The following PCDHA4 variants were observed in gnomAD, a reference collection of about 807,000 sequenced individuals.
PCDHA4 encodes protocadherin alpha 4.
In PCDHA4, 49 loss-of-function variants were observed where a neutral mutation model predicts 61.4. The observed-to-expected ratio is 0.80, with a 90% CI of 0.63 to 1.01. PCDHA4 has a LOEUF of 1.01. Ranked by LOEUF, PCDHA4 falls within the 50% of genes least tolerant of loss-of-function variation. PCDHA4 has a pLI of 0.00. For synonymous variants in PCDHA4, 590 were observed against 550.3 expected, an observed-to-expected ratio of 1.07 and a Z score of -1.01; for missense variants, 1,254 against 1,235.8, an observed-to-expected ratio of 1.01 and a Z score of -0.22.
At chr5:140,882,755 G>T in intron 1 of PCDHA4, 1 of 1,614,230 alleles carries the variant, frequency 6.2e-7, no homozygotes, top group Non-Finnish European at 8.5e-7. Flanking sequence ...TGCAGATATT[G>T]GAGTAAACTC....
chr5:140,884,821 G>A, intron 1 of PCDHA4: 2 of 1,011,756 alleles, frequency 2.0e-6, no homozygotes, highest in South Asian at 2.2e-5. Flanking sequence ...TGGACATTAT[G>A]TGTTGGATTA....
At chr5:140,811,116 A>T (rs1764795251) in intron 1 of PCDHA4, 1 of 152,148 alleles carries the variant, frequency 6.6e-6, no homozygotes, top group Non-Finnish European at 1.5e-5. Flanking sequence ...CCATCAACTC[A>T]TCATTTACAT....
chr5:140,925,267 G>C (rs931372584), intron 1 of PCDHA4, among the ~76,000 whole-genome samples: 14 of 152,060 alleles, frequency 9.2e-5, no homozygotes, highest in Non-Finnish European at 1.9e-4. Flanking sequence ...CTTGATCTGT[G>C]TTCAGATTTT....
At chr5:140,885,189 C>T (rs1554182051) in intron 1 of PCDHA4, among the ~76,000 whole-genome samples, 1 of 151,992 alleles carries the variant, frequency 6.6e-6, no homozygotes, top group Non-Finnish European at 1.5e-5. Context: ...CATCAGTGTT[C>T]CCCTCTCATA....
chr5:140,840,846 C>A (rs1473721768), intron 1 of PCDHA4, among the ~76,000 whole-genome samples: 5 of 151,994 alleles, frequency 3.3e-5, no homozygotes, highest in Non-Finnish European at 5.9e-5. Flanking sequence ...TAATGCATTT[C>A]TTCCACACGA....
At chr5:140,897,307 A>G (rs2065987327) in intron 1 of PCDHA4, among the ~76,000 whole-genome samples, 2 of 148,058 alleles carry the variant, frequency 1.4e-5, no homozygotes, top group African/African-American at 2.5e-5. Context: ...AGCATTAGGT[A>G]TATCTCCTAA....
At chr5:140,928,134 G>T in intron 1 of PCDHA4, 1 of 1,614,180 alleles carries the variant, frequency 6.2e-7, no homozygotes, top group Non-Finnish European at 8.5e-7. Flanking sequence ...ACCAAGTCCT[G>T]ATCACGGCCT....
intron 1 of PCDHA4, chr5:140,858,606 T>A: frequency 8.0e-7 from 1 of 1,257,634 alleles, no homozygotes; most frequent in Non-Finnish European, 1.1e-6. Flanking sequence ...GTTTTAAAAT[T>A]TTTTTATCCT....
At chr5:140,937,911 CAAA>C (rs200797202) in intron 1 of PCDHA4, among the ~76,000 whole-genome samples, 2 of 117,898 alleles carry the variant, frequency 1.7e-5, no homozygotes, top group Non-Finnish European at 1.9e-5. Context: ...GACTCCGTCT[CAAA>C]AAAAAAAAAA....
At chr5:140,891,855 C>T (rs1282802499) in intron 1 of PCDHA4, among the ~76,000 whole-genome samples, 1 of 152,156 alleles carries the variant, frequency 6.6e-6, no homozygotes, top group Admixed American at 6.6e-5. Flanking sequence ...GAGCCTGTCC[C>T]TCTCTTATGC....
rs376943163 is a variant in PCDHA4 at position 140,883,718 on chromosome 5, G to C, written c.2385+74146G>C. On this transcript the variant is annotated intron_variant, in intron 1 of 3. Coordinates refer to ENST00000530339, the MANE Select transcript of PCDHA4 (RefSeq NM_018907.4). The stretch of plus-strand genomic sequence containing the variant: ...CACGGTGTCTGCTCAGGACGCGGAC[G>C]CACAGGAGAACGCGCTGGTCTCCTA... The C allele has an allele frequency of 5.0e-5, 81 of 1,613,524 alleles. No homozygotes were observed. Among genetic ancestry groups the C allele is most frequent in the Non-Finnish European group, 6.4e-5 (75 of 1,179,854 alleles).
chr5:140,876,498 C>T, intron 1 of PCDHA4: 4 of 1,613,918 alleles, frequency 2.5e-6, no homozygotes, highest in Non-Finnish European at 2.5e-6. Flanking sequence ...AAGTTCTGGA[C>T]GTGAATGACA....
At chr5:140,812,642 A>G (rs1178933348) in intron 1 of PCDHA4, 2 of 152,060 alleles carry the variant, frequency 1.3e-5, no homozygotes, top group Non-Finnish European at 2.9e-5. Context: ...TTTCATGTTT[A>G]AGAGACAAGA....
chr5:141,007,722 A>G (rs559470783), intron 3 of PCDHA4, among the ~76,000 whole-genome samples: 30 of 152,290 alleles, frequency 2.0e-4, no homozygotes, highest in African/African-American at 6.5e-4. Flanking sequence ...ACCAGGGAGA[A>G]CAAAGGTTAA....
intron 1 of PCDHA4, chr5:140,877,193 G>C: frequency 6.2e-7 from 1 of 1,613,832 alleles, no homozygotes; most frequent in Non-Finnish European, 8.5e-7. Flanking sequence ...GGCAGCGCAG[G>C]AGGCGCAGTT....
rs1023415818 is a variant in PCDHA4 at position 140,856,852 on chromosome 5, G to A, written c.2385+47280G>A. The stretch of plus-strand genomic sequence containing the variant: ...TAATACGGCTCAACGCTTCTGATTC[G>A]GATGAAGGAATAAACAAGGAAATGA... On this transcript the variant is annotated intron_variant, in intron 1 of 3. Coordinates refer to ENST00000530339, the MANE Select transcript of PCDHA4 (RefSeq NM_018907.4). 5.6e-6 allele frequency: 9 copies of A among 1,593,530 alleles called. No homozygotes were observed. In the African/African-American group the frequency reaches 8.1e-5, roughly 14 times the overall value.
intron 3 of PCDHA4, among the ~76,000 whole-genome samples, chr5:140,985,796 G>GTGC (rs1245486198): frequency 7.1e-6 from 1 of 140,828 alleles, no homozygotes; most frequent in Non-Finnish European, 1.5e-5. Flanking sequence ...CTGGAGTGCA[G>GTGC]TGGCACGATC....
At chr5:140,909,870 C>T (rs2074741279) in intron 1 of PCDHA4, among the ~76,000 whole-genome samples, 1 of 152,206 alleles carries the variant, frequency 6.6e-6, no homozygotes. Context: ...GAGTCAACGT[C>T]AGCTTAGAGA....
rs75101825 is a variant in PCDHA4, at chr5:140,914,430, C to A, written c.2386-64519C>A. On this transcript the variant is annotated intron_variant, in intron 1 of 3. Coordinates refer to ENST00000530339, the MANE Select transcript of PCDHA4 (RefSeq NM_018907.4). ...TTTTGTTTCCATTAGCAAGGAATAT[C>A]TTTTCCCATGTCTTTATTTTCCAGT... Among the ~76,000 whole-genome samples the A allele has an allele frequency of 8.0e-3, 1,215 of 152,204 alleles. 6 individuals carry two copies. Among genetic ancestry groups the A allele is most frequent in the African/African-American group, 0.019 (784 of 41,536 alleles).
Sources: allele counts gnomAD v4.1 joint callset (sites outside exome capture counted in the v4.1 genomes callset), GRCh38; gene constraint gnomAD v4.1.1; transcripts MANE v1.5; gene names NCBI Gene and HGNC (gene_info 2026-07-23, HGNC 2026-07-21).